The following PDE1C variants were observed in gnomAD, a reference collection of about 807,000 sequenced individuals.
PDE1C encodes the protein phosphodiesterase 1C, also known as dual specificity calcium/calmodulin-dependent 3',5'-cyclic nucleotide phosphodiesterase 1C.
A neutral mutation model predicts 93.1 loss-of-function variants in PDE1C; 62 were observed. The observed-to-expected ratio is 0.67, with a 90% CI of 0.54 to 0.82. PDE1C has a LOEUF of 0.82. Among genes scored for constraint, PDE1C ranks in the 40% least tolerant of loss-of-function variants. The probability of loss-of-function intolerance (pLI) is 0.00; values close to 1 mark genes in which losing one functional copy is unlikely to be tolerated. For missense variants in PDE1C, 742 were observed against 884.6 expected (o/e 0.84, Z 2.04); for synonymous variants, 325 against 310.1 (o/e 1.05, Z -0.50).
the PDE1C span, among the ~76,000 whole-genome samples, chr7:31,665,204 G>T: frequency 2.0e-5 from 3 of 152,064 alleles, no homozygotes; most frequent in Admixed American, 6.5e-5. Flanking sequence ...ACTTTTCCCA[G>T]ATATTCACAT....
At chr7:31,620,487 C>T in the PDE1C span, among the ~76,000 whole-genome samples, 1 of 151,340 alleles carries the variant, frequency 6.6e-6, no homozygotes, top group East Asian at 1.9e-4. Flanking sequence ...ACTGCTGATA[C>T]CCAGGCAAAC....
At position 31,885,638 on chromosome 7, in the gene PDE1C, G is replaced by A. The variant is rs527597700; in HGVS notation, c.129-4778C>T. On this transcript the variant is annotated intron_variant, in intron 2 of 17. Coordinates refer to ENST00000396191, the MANE Select transcript of PDE1C (RefSeq NM_001191057.4). ...AAAGGTGTTGGAAGAGGGGAACTAT[G>A]TGAGGAAAGGCCAGAGCACTGTATT... 1.5e-3 allele frequency among the ~76,000 whole-genome samples: 234 copies of A among 152,332 alleles called. 1 individual carries two copies. The highest frequency in any genetic ancestry group is 5.5e-3 in the African/African-American group (227 of 41,570).
chr7:32,282,756 A>G (rs1811752888), intron 1 of PDE1C, among the ~76,000 whole-genome samples: 1 of 151,474 alleles, frequency 6.6e-6, no homozygotes, highest in South Asian at 2.1e-4. Flanking sequence ...AATTTTTTGT[A>G]CTTTTAGTAG....
At position 32,360,147 on chromosome 7, in the gene PDE1C, A is replaced by G. The variant is rs151296628; in HGVS notation, c.310+67675T>C. On this transcript the variant is annotated intron_variant, in intron 1 of 1. Transcript: ENST00000672256. ...CTTAGAGGGCAGAGACCAACTCTCA[A>G]CTCACTCTCCTGATCACGGGACATG... is the stretch of plus-strand genomic sequence containing the variant. Among the ~76,000 whole-genome samples, 277 of 152,188 alleles carry G rather than the reference A, an allele frequency of 1.8e-3. 1 individual carries two copies. The highest frequency in any genetic ancestry group is 6.5e-3 in the African/African-American group (268 of 41,538).
At chr7:31,969,384 T>C (rs755388279) in intron 2 of PDE1C, among the ~76,000 whole-genome samples, 2 of 152,072 alleles carry the variant, frequency 1.3e-5, no homozygotes, top group Non-Finnish European at 2.9e-5. Context: ...AAAAAACACA[T>C]GAAAAAATGC....
intron 1 of PDE1C, among the ~76,000 whole-genome samples, chr7:32,417,592 C>T (rs1307168252): frequency 6.6e-6 from 1 of 151,434 alleles, no homozygotes; most frequent in Non-Finnish European, 1.5e-5. Context: ...ACTGCAGAGC[C>T]TGCCCGTGTA....
At chr7:31,736,208 C>G in the PDE1C span, among the ~76,000 whole-genome samples, 11 of 152,168 alleles carry the variant, frequency 7.2e-5, no homozygotes, top group Non-Finnish European at 1.2e-4. Flanking sequence ...AGGTCTTGTA[C>G]CAGCAGGTAC....
chr7:32,396,709 T>C (rs1294831836), intron 1 of PDE1C, among the ~76,000 whole-genome samples: 2 of 152,204 alleles, frequency 1.3e-5, no homozygotes, highest in Non-Finnish European at 2.9e-5. Context: ...ACTTTGTGTA[T>C]GTTTGTTATA....
intron 2 of PDE1C, among the ~76,000 whole-genome samples, chr7:31,961,629 C>T (rs1443178712): frequency 6.6e-6 from 1 of 152,080 alleles, no homozygotes; most frequent in Admixed American, 6.6e-5. Context: ...AGTTGCCTGT[C>T]TATAGTTCCA....
At chr7:31,777,605 A>C (rs1783101673) in intron 16 of PDE1C, among the ~76,000 whole-genome samples, 1 of 152,072 alleles carries the variant, frequency 6.6e-6, no homozygotes, top group Non-Finnish European at 1.5e-5. Flanking sequence ...GGGATTACAG[A>C]CATGAGCCAC....
At chr7:32,293,951 C>A (rs1812485614) in intron 1 of PDE1C, among the ~76,000 whole-genome samples, 1 of 152,190 alleles carries the variant, frequency 6.6e-6, no homozygotes, top group African/African-American at 2.4e-5. Context: ...CCAGTCTGGG[C>A]TCAGAAAGTC....
intron 11 of PDE1C, among the ~76,000 whole-genome samples, chr7:31,833,906 A>T (rs1394594595): frequency 6.6e-6 from 1 of 152,194 alleles, no homozygotes; most frequent in Non-Finnish European, 1.5e-5. Context: ...AATGGGGAAA[A>T]TGTCACACAT....
upstream of PDE1C, among the ~76,000 whole-genome samples, chr7:32,303,278 A>T (rs1812920413): frequency 6.6e-6 from 1 of 152,174 alleles, no homozygotes; most frequent in Non-Finnish European, 1.5e-5. Context: ...CTAATCTACC[A>T]AACAGACTCC....
At chr7:31,884,734 C>G (rs1178830119) in intron 2 of PDE1C, among the ~76,000 whole-genome samples, 1 of 152,202 alleles carries the variant, frequency 6.6e-6, no homozygotes, top group Admixed American at 6.6e-5. Context: ...CATATCCTAC[C>G]TACCTCTTGG....
At chr7:32,114,645 G>C (rs1798880640) in intron 3 of PDE1C, among the ~76,000 whole-genome samples, 1 of 152,166 alleles carries the variant, frequency 6.6e-6, no homozygotes, top group African/African-American at 2.4e-5. Context: ...AAGAGCTCCT[G>C]CACAGCAAAA....
At chr7:31,912,534 A>G (rs1373021795) in intron 2 of PDE1C, among the ~76,000 whole-genome samples, 1 of 152,070 alleles carries the variant, frequency 6.6e-6, no homozygotes, top group African/African-American at 2.4e-5. Context: ...AAAAATACAA[A>G]AAATGAGCCA....
chr7:32,373,804 A>G (rs550385398), intron 1 of PDE1C, among the ~76,000 whole-genome samples: 10 of 152,172 alleles, frequency 6.6e-5, no homozygotes, highest in Non-Finnish European at 1.3e-4. Context: ...CCTGGCCAAC[A>G]TGGCAAAAGC....
intron 16 of PDE1C, among the ~76,000 whole-genome samples, chr7:31,790,494 C>T (rs76684975): frequency 0.016 from 2,429 of 152,200 alleles, 41 homozygotes; most frequent in East Asian, 0.11. Context: ...TTAATAGTTG[C>T]TGTAAACTAG....
intron 9 of PDE1C, among the ~76,000 whole-genome samples, chr7:31,847,504 C>T (rs1792786774): frequency 6.6e-6 from 1 of 151,686 alleles, no homozygotes; most frequent in African/African-American, 2.4e-5. Flanking sequence ...AGATAAAATT[C>T]AGATTTAAGG....
Sources: gnomAD v4.1 joint callset for allele counts (sites outside exome capture counted in the v4.1 genomes callset) on GRCh38, gnomAD v4.1.1 for gene constraint, MANE v1.5 for transcripts, NCBI Gene and HGNC (gene_info 2026-07-23, HGNC 2026-07-21) for gene names.